Variants in SLIT2 observed in about 807,000 individuals in gnomAD.
SLIT2 encodes slit homolog 2 protein.
Under a neutral mutation model 185.7 loss-of-function variants are expected in SLIT2, and 41 were observed. That is an observed-to-expected ratio of 0.22 (90% CI 0.17 to 0.29). The LOEUF (loss-of-function observed/expected upper bound fraction) is 0.29. SLIT2 is among the 10% of genes least tolerant of loss of function. The probability of loss-of-function intolerance (pLI) is 1.00; values close to 1 mark genes in which losing one functional copy is unlikely to be tolerated. For synonymous variants in SLIT2, 693 were observed against 680.2 expected (o/e 1.02, Z -0.29); for missense variants, 1,571 against 1,909.0 (o/e 0.82, Z 3.30).
At chr4:20,613,530 AG>A (rs1317917010) in intron 34 of SLIT2, among the ~76,000 whole-genome samples, 1 of 152,116 alleles carries the variant, frequency 6.6e-6, no homozygotes, top group Non-Finnish European at 1.5e-5. Context: ...GAGGAGGGAG[AG>A]GACCAGGAAA....
In SLIT2 at chr4:20,316,733, C is replaced by T. The variant is rs545985269; in HGVS notation, c.395+47852C>T. ...AGAAAAGCTACTATGAATTATTTTA[C>T]CTATACATTAGTTGTTGGTATATTA... On this transcript the variant is annotated intron_variant, in intron 4 of 36. Coordinates refer to ENST00000504154, the MANE Select transcript of SLIT2 (RefSeq NM_004787.4). Among the ~76,000 whole-genome samples, 3 of 151,052 alleles carry T rather than the reference C, an allele frequency of 2.0e-5. No homozygotes were observed. The South Asian group carries it at 6.3e-4, about 32-fold the overall frequency.
chr4:20,481,117 T>G (rs1399676523), intron 6 of SLIT2, among the ~76,000 whole-genome samples: 1 of 152,080 alleles, frequency 6.6e-6, no homozygotes, highest in Non-Finnish European at 1.5e-5. Context: ...AACCTCTTAG[T>G]AGCTGATATC....
intron 4 of SLIT2, among the ~76,000 whole-genome samples, 182 bp from the exon 5 acceptor site, chr4:20,467,570 T>A (rs980017106): frequency 1.3e-5 from 2 of 150,224 alleles, no homozygotes; most frequent in African/African-American, 4.9e-5. Context: ...AACTTTTTAA[T>A]TTATATTAGA....
chr4:20,568,975 A>C lies in SLIT2; in HGVS notation c.3059A>C (p.Tyr1020Ser). 1 of 1,612,644 alleles carries C rather than the reference A, an allele frequency of 6.2e-7. No homozygotes were observed. Among genetic ancestry groups the C allele is most frequent in the Non-Finnish European group, 8.5e-7 (1 of 1,178,976 alleles). Residue 1020 changes from tyrosine (Y) to serine (S), a missense_variant, in exon 29 of 37, where the codon TAC becomes TCC. Transcript: ENST00000504154. ...NSTCVDGINN[Y>S]TCLCPPEYTG... ...ACATGTGTCGATGGCATTAATAACTACACATGCCTTTGCCCACCTGAGTAT... is the reference window on the plus strand; with the variant it reads ...ACATGTGTCGATGGCATTAATAACTCCACATGCCTTTGCCCACCTGAGTAT...
intron 4 of SLIT2, among the ~76,000 whole-genome samples, chr4:20,407,938 T>C (rs1194160128): frequency 6.6e-6 from 1 of 152,114 alleles, no homozygotes; most frequent in African/African-American, 2.4e-5. Flanking sequence ...AACACTTTGA[T>C]TGGCAGTGCT....
intron 4 of SLIT2, among the ~76,000 whole-genome samples, chr4:20,374,395 T>C (rs1723845186): frequency 6.6e-6 from 1 of 152,150 alleles, no homozygotes; most frequent in South Asian, 2.1e-4. Flanking sequence ...TCTTTTGCTT[T>C]CAGTTTTACC....
At position 20,310,342 on chromosome 4, in the gene SLIT2, A is replaced by C. The variant is rs78367018; in HGVS notation, c.395+41461A>C. On this transcript the variant is annotated intron_variant, in intron 4 of 36. Transcript: ENST00000504154. ...CAACTCAAATTTAGTCAGCAAAAAA[A>C]CAATTATCTTTCTCTATGCAATCTT... Among the ~76,000 whole-genome samples, 1,619 of 152,238 alleles carry C rather than the reference A, an allele frequency of 0.011. 69 individuals carry two copies. In the East Asian group the frequency reaches 0.13, roughly 12 times the overall value.
intron 16 of SLIT2, among the ~76,000 whole-genome samples, chr4:20,530,969 A>C (rs923987955): frequency 7.2e-5 from 11 of 151,988 alleles, no homozygotes; most frequent in Non-Finnish European, 1.0e-4. Context: ...TGGCTAAAAA[A>C]AAAAAACAAA....
At chr4:20,487,191 T>C (rs13151001) in intron 7 of SLIT2, among the ~76,000 whole-genome samples, 1 of 152,148 alleles carries the variant, frequency 6.6e-6, no homozygotes, top group Admixed American at 6.6e-5. Flanking sequence ...TCCAACTCTG[T>C]ACATAATAAC....
At chr4:20,270,720 T>G (rs1188994586) in intron 4 of SLIT2, among the ~76,000 whole-genome samples, 1 of 151,980 alleles carries the variant, frequency 6.6e-6, no homozygotes, top group Non-Finnish European at 1.5e-5. Flanking sequence ...TTTCAGGAGT[T>G]ATATAACTTG....
intron 32 of SLIT2, 122 bp from the exon 33 acceptor site, chr4:20,598,143 C>T: frequency 1.2e-6 from 1 of 829,212 alleles, no homozygotes; most frequent in African/African-American, 1.8e-5. Flanking sequence ...ATCGTTTTCT[C>T]ATAGCCATCA....
rs1017348187 is a variant in SLIT2, at chr4:20,252,421, A to G, written c.-1395A>G. 6.6e-6 allele frequency among the ~76,000 whole-genome samples: 1 copy of G among 152,116 alleles called. No individual in the cohort carries two copies. Among genetic ancestry groups the G allele is most frequent in the Non-Finnish European group, 1.5e-5 (1 of 68,008 alleles). ...AGGGGAAGGGGCTAGAAGGAGAAGGACTACCCGGGACTGCGGCCGCCGCGT... is the reference window on the plus strand; with the variant it reads ...AGGGGAAGGGGCTAGAAGGAGAAGGGCTACCCGGGACTGCGGCCGCCGCGT... On this transcript the variant is annotated 5_prime_UTR_variant, in exon 1 of 37. Transcript: ENST00000504154.
chr4:20,267,629 C>G (rs1713170647), intron 3 of SLIT2, among the ~76,000 whole-genome samples: 1 of 151,796 alleles, frequency 6.6e-6, no homozygotes. Flanking sequence ...TTCTTAATAG[C>G]TAATTCTTAG....
chr4:20,545,656 G>C (rs942807508), intron 21 of SLIT2, among the ~76,000 whole-genome samples: 1 of 152,028 alleles, frequency 6.6e-6, no homozygotes, highest in African/African-American at 2.4e-5. Context: ...AGGCAGCAAT[G>C]AGTGGTCTTG....
At chr4:20,474,147 C>A (rs1212560881) in intron 5 of SLIT2, among the ~76,000 whole-genome samples, 1 of 151,896 alleles carries the variant, frequency 6.6e-6, no homozygotes, top group Non-Finnish European at 1.5e-5. Context: ...GTAGGGAGGG[C>A]TTTTTACTTA....
At chr4:20,275,374 C>T (rs747871972) in intron 4 of SLIT2, among the ~76,000 whole-genome samples, 1 of 152,100 alleles carries the variant, frequency 6.6e-6, no homozygotes, top group African/African-American at 2.4e-5. Context: ...ATACAATTTA[C>T]TTTCTGGGGA....
In SLIT2 at chr4:20,548,515, G is replaced by A. The variant is rs375099406; in HGVS notation, c.2373G>A (p.Thr791=). The A allele has an allele frequency of 9.3e-6, 15 of 1,605,240 alleles. No individual in the cohort carries two copies. The highest frequency in any genetic ancestry group is 1.6e-4 in the Middle Eastern group (1 of 6,066). ...ACTTAAGTAACAACAGAATAAGCACGCTTTCTAATCAGAGCTTCAGCAACA... is the reference window on the plus strand; with the variant it reads ...ACTTAAGTAACAACAGAATAAGCACACTTTCTAATCAGAGCTTCAGCAACA... ...LIDLSNNRIS[T]LSNQSFSNMT... The change falls in exon 23 of 37, where the codon ACG becomes ACA. Residue 791 remains threonine, a synonymous_variant. Transcript: ENST00000504154.
intron 4 of SLIT2, among the ~76,000 whole-genome samples, chr4:20,298,859 T>C (rs1398294306): frequency 6.6e-6 from 1 of 152,214 alleles, no homozygotes; most frequent in Admixed American, 6.5e-5. Flanking sequence ...CTCATAGTGA[T>C]GGTGGCAGAG....
chr4:20,399,238 T>C (rs1251591916), intron 4 of SLIT2, among the ~76,000 whole-genome samples: 1 of 151,760 alleles, frequency 6.6e-6, no homozygotes, highest in Non-Finnish European at 1.5e-5. Context: ...CATAATATAA[T>C]TTTTCACAAT....
Sources: allele counts gnomAD v4.1 joint callset (sites outside exome capture counted in the v4.1 genomes callset), GRCh38; gene constraint gnomAD v4.1.1; transcripts MANE v1.5; gene names NCBI Gene and HGNC (gene_info 2026-07-23, HGNC 2026-07-21).